PRIM2: variants seen among roughly 807,000 people sequenced by gnomAD.
PRIM2 encodes DNA primase subunit 2, also known as DNA primase large subunit.
PRIM2 carries 39 observed loss-of-function variants against 67.3 expected under a neutral mutation model. The ratio of observed to expected loss-of-function variants is 0.58; its 90% CI spans 0.45 to 0.76. The LOEUF is 0.76. Among genes scored for constraint, PRIM2 ranks in the 30% least tolerant of loss-of-function variants. The probability of loss-of-function intolerance (pLI) is 0.00; values close to 1 mark genes in which losing one functional copy is unlikely to be tolerated. For missense variants in PRIM2, 398 were observed against 598.7 expected, an observed-to-expected ratio of 0.66 and a Z score of 3.50; for synonymous variants, 143 against 198.7, an observed-to-expected ratio of 0.72 and a Z score of 2.36.
At chr6:57,259,488 C>A in the PRIM2 span, among the ~76,000 whole-genome samples, 3 of 152,102 alleles carry the variant, frequency 2.0e-5, no homozygotes, top group South Asian at 6.2e-4. Context: ...AGACTAATGT[C>A]AAAGAGCAAA....
chr6:57,619,113 C>G (rs1205237980), intron 12 of PRIM2, among the ~76,000 whole-genome samples: 1 of 152,186 alleles, frequency 6.6e-6, no homozygotes. Flanking sequence ...GCAGAAACCC[C>G]CAGTACTACC....
chr6:57,428,876 C>T (rs1254365130), intron 7 of PRIM2, among the ~76,000 whole-genome samples: 7 of 152,134 alleles, frequency 4.6e-5, no homozygotes, highest in Middle Eastern at 3.4e-3. Flanking sequence ...ATTCATATTT[C>T]GCCAGTTTTA....
chr6:57,594,847 A>G (rs1301761086), intron 10 of PRIM2, among the ~76,000 whole-genome samples: 5 of 152,266 alleles, frequency 3.3e-5, no homozygotes, highest in Non-Finnish European at 7.3e-5. Flanking sequence ...CATCAAGTTG[A>G]TAAGCCTTTG....
chr6:57,326,867 A>G (rs1043406878), intron 5 of PRIM2, among the ~76,000 whole-genome samples: 1 of 149,168 alleles, frequency 6.7e-6, no homozygotes, highest in African/African-American at 2.5e-5. Context: ...TTTAATGGGG[A>G]TGAGTATTGG....
intron 12 of PRIM2, among the ~76,000 whole-genome samples, chr6:57,626,882 T>C (rs1246832438): frequency 6.6e-6 from 1 of 152,046 alleles, no homozygotes; most frequent in East Asian, 1.9e-4. Context: ...TGCCCTGGCC[T>C]CCCAAAGTGC....
Position 57,466,823 on chromosome 6 carries a change from T to C in PRIM2, c.694-40564T>C, listed in dbSNP as rs1477239818. ...CTGTGCAGAAGCTCTTTAGTGTAAT[T>C]AGATCCCATTTGTTGGCTGGGCGCA... On this transcript the variant is annotated intron_variant, in intron 7 of 13. Transcript: ENST00000615550. Among the ~76,000 whole-genome samples the C allele has an allele frequency of 7.9e-5, 12 of 152,312 alleles. No individual in the cohort carries two copies. The East Asian group carries it at 2.3e-3, about 29-fold the overall frequency.
intron 7 of PRIM2, among the ~76,000 whole-genome samples, chr6:57,386,417 C>CAAA (rs71299586): frequency 4.5e-4 from 24 of 53,628 alleles, no homozygotes; most frequent in East Asian, 7.0e-4. Flanking sequence ...TACCCTGTCT[C>CAAA]AAAAAAAAAA....
At chr6:57,467,463 C>T (rs1490338991) in intron 7 of PRIM2, among the ~76,000 whole-genome samples, 1 of 152,124 alleles carries the variant, frequency 6.6e-6, no homozygotes, top group Non-Finnish European at 1.5e-5. Flanking sequence ...TGTGAGGCCT[C>T]TGTTTTGTTC....
chr6:57,625,306 C>T lies in PRIM2; in HGVS notation c.1231-6827C>T, dbSNP rs1291392272. Reference sequence around the variant, plus strand: ...CTGAGAGATCTATGAAAAATGGATTCTGGGGACAAATTAGTTTGAGAAACG... The same window carrying T: ...CTGAGAGATCTATGAAAAATGGATTTTGGGGACAAATTAGTTTGAGAAACG... On this transcript the variant is annotated intron_variant, in intron 12 of 13. Transcript: ENST00000615550. Among the ~76,000 whole-genome samples the T allele has an allele frequency of 1.9e-3, 286 of 152,208 alleles. 3 individuals carry two copies. Among genetic ancestry groups the T allele is most frequent in the South Asian group, 8.3e-4 (4 of 4,812 alleles).
At chr6:57,402,155 C>T (rs1238564395) in intron 7 of PRIM2, among the ~76,000 whole-genome samples, 1 of 152,210 alleles carries the variant, frequency 6.6e-6, no homozygotes, top group East Asian at 1.9e-4. Context: ...TGGGGGCCCA[C>T]TCCAGTCCCT....
rs1775721118 is a variant in PRIM2, at chr6:57,565,585, T to G, written c.1020+27960T>G. ...AATTCTCCCTTCACCTTTTGTTCTA[T>G]TCAGGCTCTCATCAAATTGGGTGCT... On this transcript the variant is annotated intron_variant, in intron 10 of 13. Coordinates refer to ENST00000615550, the MANE Select transcript of PRIM2 (RefSeq NM_000947.5). Among the ~76,000 whole-genome samples, 3 of 152,306 alleles carry G rather than the reference T, an allele frequency of 2.0e-5. No homozygotes were observed. The South Asian group carries it at 6.2e-4, about 32-fold the overall frequency.
chr6:57,249,018 C>T, the PRIM2 span, among the ~76,000 whole-genome samples: 132,622 of 152,120 alleles, frequency 0.87, 58,737 homozygotes, highest in South Asian at 0.98. Flanking sequence ...CTCATTGCTC[C>T]ACTTTGGAAA....
intron 7 of PRIM2, among the ~76,000 whole-genome samples, chr6:57,474,061 A>G (rs1307252015): frequency 6.6e-6 from 1 of 150,386 alleles, no homozygotes; most frequent in Non-Finnish European, 1.5e-5. Flanking sequence ...TTATCCACCC[A>G]TTTTTTAAGG....
intron 10 of PRIM2, among the ~76,000 whole-genome samples, chr6:57,539,324 T>G (rs1216252094): frequency 1.3e-5 from 2 of 152,184 alleles, no homozygotes; most frequent in Non-Finnish European, 2.9e-5. Context: ...TTCACCATTC[T>G]AAAAATTGTC....
intron 10 of PRIM2, among the ~76,000 whole-genome samples, chr6:57,583,722 C>T (rs1368184391): frequency 2.0e-5 from 3 of 152,220 alleles, no homozygotes; most frequent in Non-Finnish European, 1.5e-5. Context: ...AATGGTATTT[C>T]TAGTTCTAGA....
the PRIM2 span, among the ~76,000 whole-genome samples, chr6:57,272,159 T>G: frequency 6.6e-6 from 1 of 152,150 alleles, no homozygotes; most frequent in East Asian, 1.9e-4. Flanking sequence ...TGGTGCAGAG[T>G]TGAGTTCAAT....
chr6:57,402,022 A>T (rs1770728661), intron 7 of PRIM2, among the ~76,000 whole-genome samples: 1 of 152,078 alleles, frequency 6.6e-6, no homozygotes, highest in Non-Finnish European at 1.5e-5. Context: ...TACTGGTTTG[A>T]TATATCTGGC....
intron 7 of PRIM2, among the ~76,000 whole-genome samples, chr6:57,429,649 G>T (rs1415600604): frequency 6.6e-6 from 1 of 152,140 alleles, no homozygotes; most frequent in East Asian, 1.9e-4. Flanking sequence ...TTAAAATGAG[G>T]CTTTTAGGGT....
chr6:57,534,554 C>G (rs1774961288), intron 9 of PRIM2, among the ~76,000 whole-genome samples: 1 of 152,138 alleles, frequency 6.6e-6, no homozygotes, highest in African/African-American at 2.4e-5. Context: ...AGTATCCCTC[C>G]TGCTTCCATT....
Sources: allele counts gnomAD v4.1 joint callset (sites outside exome capture counted in the v4.1 genomes callset), GRCh38; gene constraint gnomAD v4.1.1; transcripts MANE v1.5; gene names NCBI Gene and HGNC (gene_info 2026-07-23, HGNC 2026-07-21).